CCDC85C: variants seen among roughly 807,000 people sequenced by gnomAD.
CCDC85C encodes coiled-coil domain containing 85C.
Under a neutral mutation model 38.3 loss-of-function variants are expected in CCDC85C, and 18 were observed. The ratio of observed to expected loss-of-function variants is 0.47; its 90% CI spans 0.33 to 0.70. CCDC85C has a LOEUF of 0.70. Among genes scored for constraint, CCDC85C ranks in the 30% least tolerant of loss-of-function variants. The pLI, the probability that CCDC85C is intolerant of heterozygous loss-of-function variation, is 0.03. For synonymous variants in CCDC85C, 264 were observed against 293.8 expected (o/e 0.90, Z 1.04); for missense variants, 566 against 621.2 (o/e 0.91, Z 0.94).
In CCDC85C at chr14:99,522,130, C is replaced by CA. The variant is rs1897311066; in HGVS notation, c.975+2dup. 1.9e-6 allele frequency: 3 copies of CA among 1,549,302 alleles called. No individual in the cohort carries two copies. Among genetic ancestry groups the CA allele is most frequent in the African/African-American group, 1.4e-5 (1 of 73,158 alleles). On this transcript the variant is annotated splice_region_variant and intron_variant, in intron 3 of 5. Transcript: ENST00000380243. ...TGTGGGCTTTTTTGGGGTGCACACTCACGTTCTGCAGGGAGTCCTGGTAGG... is the reference window on the plus strand; with the variant it reads ...TGTGGGCTTTTTTGGGGTGCACACTCAACGTTCTGCAGGGAGTCCTGGTAGG...
At position 99,545,545 on chromosome 14, in the gene CCDC85C, G is replaced by A. The variant is rs1897790067; in HGVS notation, c.794-9457C>T. ...GTGCCTTCAAGGGCTGCACGCATCT[G>A]GAAATTGACCTGTGTGTGTGAGACG... On this transcript the variant is annotated intron_variant, in intron 1 of 5. Coordinates refer to ENST00000380243, the MANE Select transcript of CCDC85C (RefSeq NM_001144995.2). This position sits in a 1 kb window ranked among gnomAD's most constrained non-coding sequence, Gnocchi z 4.7. Among the ~76,000 whole-genome samples, 1 of 152,162 alleles carries A rather than the reference G, an allele frequency of 6.6e-6. No individual in the cohort carries two copies. The highest frequency in any genetic ancestry group is 2.4e-5 in the African/African-American group (1 of 41,436).
At chr14:99,524,405 G>A (rs1312512823) in intron 2 of CCDC85C, among the ~76,000 whole-genome samples, 1 of 151,944 alleles carries the variant, frequency 6.6e-6, no homozygotes, top group Non-Finnish European at 1.5e-5. Flanking sequence ...TACCGAAAAC[G>A]CAGGTTTGTG....
At chr14:99,589,584 C>A (rs532657836) in intron 1 of CCDC85C, among the ~76,000 whole-genome samples, 1 of 152,200 alleles carries the variant, frequency 6.6e-6, no homozygotes, top group Admixed American at 6.5e-5. Flanking sequence ...ATTAGAGCTG[C>A]GGTCCCTATT....
At position 99,516,807 on chromosome 14, in the gene CCDC85C, CCTCT is replaced by C. The variant is rs992062807; in HGVS notation, c.1071+277_1071+280del. 2.6e-5 allele frequency among the ~76,000 whole-genome samples: 4 copies of C among 152,074 alleles called. No individual in the cohort carries two copies. Among genetic ancestry groups the C allele is most frequent in the African/African-American group, 4.8e-5 (2 of 41,384 alleles). On this transcript the variant is annotated intron_variant, in intron 4 of 5. Transcript: ENST00000380243. This position sits in a 1 kb window ranked among gnomAD's most constrained non-coding sequence, Gnocchi z 5.5. ...GGTTAGTTCTAGCCCCACTCCTGCC[CCTCT>C]CTCTCTGGCCTTAGTTGGGTGCCTG...
chr14:99,528,331 C>T (rs1365862631), intron 2 of CCDC85C, among the ~76,000 whole-genome samples: 4 of 152,220 alleles, frequency 2.6e-5, no homozygotes, highest in Non-Finnish European at 5.9e-5. Flanking sequence ...CTTCCCTGGA[C>T]ATCTATTAGC....
intron 5 of CCDC85C, 31 bp from the exon 6 acceptor site, chr14:99,515,366 G>A (rs1025644701): frequency 1.5e-5 from 22 of 1,487,514 alleles, no homozygotes; most frequent in African/African-American, 4.2e-5. Flanking sequence ...TGAGTGGTGG[G>A]ACTCACCCGC....
chr14:99,579,657 G>C (rs533286074), intron 1 of CCDC85C, among the ~76,000 whole-genome samples: 1 of 152,230 alleles, frequency 6.6e-6, no homozygotes, highest in Admixed American at 6.5e-5. Context: ...GACTGGATTC[G>C]GGATTGAGGT....
At chr14:99,585,156 C>T (rs1042002420) in intron 1 of CCDC85C, among the ~76,000 whole-genome samples, 3 of 152,170 alleles carry the variant, frequency 2.0e-5, no homozygotes, top group African/African-American at 7.2e-5. Flanking sequence ...CCATGGGAAG[C>T]AAAGACACAT....
chr14:99,598,099 G>A (rs1241374091), intron 1 of CCDC85C, among the ~76,000 whole-genome samples: 3 of 152,184 alleles, frequency 2.0e-5, no homozygotes, highest in Admixed American at 6.5e-5. Flanking sequence ...GCGGGGTGCC[G>A]AGCGCTGCAG....
intron 1 of CCDC85C, among the ~76,000 whole-genome samples, chr14:99,578,025 C>T (rs1003381378): frequency 2.7e-5 from 4 of 147,160 alleles, no homozygotes; most frequent in African/African-American, 5.1e-5. Context: ...CACGCCCATA[C>T]AGCCCATCCT....
chr14:99,527,423 A>G (rs148997079), intron 2 of CCDC85C, among the ~76,000 whole-genome samples: 84 of 152,270 alleles, frequency 5.5e-4, no homozygotes, highest in African/African-American at 1.9e-3. Flanking sequence ...CGGGGCAGGT[A>G]TTCTGGGGCG....
chr14:99,586,635 G>A (rs1027901408), intron 1 of CCDC85C, among the ~76,000 whole-genome samples: 2 of 152,174 alleles, frequency 1.3e-5, no homozygotes, highest in African/African-American at 4.8e-5. Context: ...CATGATAAAC[G>A]CGTCCATTTT....
intron 1 of CCDC85C, among the ~76,000 whole-genome samples, chr14:99,553,605 C>T (rs1434161104): frequency 3.3e-5 from 5 of 152,156 alleles, no homozygotes; most frequent in Non-Finnish European, 7.3e-5. Context: ...CCTCATGATC[C>T]GCCTGCCTCG....
chr14:99,551,313 G>A (rs1680647721), intron 1 of CCDC85C, among the ~76,000 whole-genome samples: 1 of 152,194 alleles, frequency 6.6e-6, no homozygotes. Flanking sequence ...GAGGCAGTGG[G>A]GGGAAGGTCA....
At chr14:99,563,126 T>C (rs917426036) in intron 1 of CCDC85C, among the ~76,000 whole-genome samples, 4 of 152,210 alleles carry the variant, frequency 2.6e-5, no homozygotes, top group African/African-American at 9.6e-5. Context: ...AAGCTGAAGA[T>C]TCTGGAAGGG....
At position 99,535,960 on chromosome 14, in the gene CCDC85C, A is replaced by T; in HGVS notation, c.867+55T>A. 7.5e-7 allele frequency: 1 copy of T among 1,332,524 alleles called. No individual in the cohort carries two copies. Among genetic ancestry groups the T allele is most frequent in the Non-Finnish European group, 1.1e-6 (1 of 949,876 alleles). 82.5% of individuals were successfully genotyped at this position (1,332,524 alleles called of 1,614,324 possible). A position where few individuals can be genotyped will look rare whatever the true frequency, so the allele number is the denominator to read the frequency against. ...GGGAAGGGTGCCCTGGGTGAGCTGG[A>T]GGGGTGGGTGCTGGGTCGCGGTCCT... On this transcript the variant is annotated intron_variant, in intron 2 of 5. Coordinates refer to ENST00000380243, the MANE Select transcript of CCDC85C (RefSeq NM_001144995.2). The surrounding 1 kb of genome is among the most constrained non-coding windows in gnomAD (Gnocchi z 5.5).
chr14:99,601,109 G>A (rs569512959), intron 1 of CCDC85C, among the ~76,000 whole-genome samples: 2 of 152,328 alleles, frequency 1.3e-5, no homozygotes, highest in East Asian at 3.9e-4. Context: ...ATTTACATTA[G>A]TGGGACCACA....
chr14:99,508,741 GTCACACAGCAC>G lies in CCDC85C; in HGVS notation c.*6494_*6504del, dbSNP rs1897038997. 1 of 152,460 alleles carries G rather than the reference GTCACACAGCAC, an allele frequency of 6.6e-6. No individual in the cohort carries two copies. Among genetic ancestry groups the G allele is most frequent in the African/African-American group, 2.4e-5 (1 of 41,464 alleles). 9.4% of individuals were successfully genotyped at this position (152,460 alleles called of 1,614,324 possible). A position where few individuals can be genotyped will look rare whatever the true frequency, so the allele number is the denominator to read the frequency against. ...GACCCCCACTTGCTGTTCCAGCTCAGTCACACAGCACAAGGGCAGGCACACTGGTGACTTGA... is the reference window on the plus strand; with the variant it reads ...GACCCCCACTTGCTGTTCCAGCTCAGAAGGGCAGGCACACTGGTGACTTGA... On this transcript the variant is annotated 3_prime_UTR_variant, in exon 6 of 6. Coordinates refer to ENST00000380243, the MANE Select transcript of CCDC85C (RefSeq NM_001144995.2).
Position 99,502,172 on chromosome 14 carries a change from A to C in CCDC85C, c.*13074T>G, listed in dbSNP as rs764774529. 1.9e-6 allele frequency: 3 copies of C among 1,540,790 alleles called. No homozygotes were observed. The Admixed American group carries it at 6.1e-5, about 31-fold the overall frequency. ...CTGGTTTAATCATAAATATTAGATC[A>C]TATTATCTAACCTTTTTTTTTCTTG... On this transcript the variant is annotated 3_prime_UTR_variant, in exon 6 of 6. Coordinates refer to ENST00000380243, the MANE Select transcript of CCDC85C (RefSeq NM_001144995.2).
Sources: gnomAD v4.1 joint callset for allele counts (sites outside exome capture counted in the v4.1 genomes callset) on GRCh38, gnomAD v4.1.1 for gene constraint, Gnocchi (gnomAD v3.1) non-coding constraint, MANE v1.5 for transcripts, NCBI Gene and HGNC (gene_info 2026-07-23, HGNC 2026-07-21) for gene names.